The following RDH13 variants were observed in gnomAD, a reference collection of about 807,000 sequenced individuals.
RDH13 encodes retinol dehydrogenase 13, also known as retinol dehydrogenase 13 (all-trans and 9-cis).
In RDH13, 35 loss-of-function variants were observed where a neutral mutation model predicts 28.3. That is an observed-to-expected ratio of 1.24 (90% confidence interval 0.95 to 1.64). RDH13 has a LOEUF of 1.64. Ranked by LOEUF, RDH13 falls within the 40% of genes most tolerant of loss-of-function variation. RDH13 has a pLI of 0.00. For missense variants in RDH13, 514 were observed against 446.3 expected, an observed-to-expected ratio of 1.15 and a Z score of -1.37; for synonymous variants, 229 against 198.5, an observed-to-expected ratio of 1.15 and a Z score of -1.29.
In RDH13 at chr19:55,053,316, G is replaced by A. The variant is rs369513159; in HGVS notation, c.340+3337C>T. ...GTTGATCTTAGGAAAACACCAAGAA[G>A]CTGGTACTTGATTTGCTAAAAAAGT... On this transcript the variant is annotated intron_variant, in intron 3 of 6. Transcript: ENST00000415061. Among the ~76,000 whole-genome samples the A allele has an allele frequency of 7.9e-5, 12 of 151,522 alleles. No individual in the cohort carries two copies. In the East Asian group the frequency reaches 1.7e-3, roughly 22 times the overall value.
chr19:55,049,089 C>G (rs892057226), intron 3 of RDH13, among the ~76,000 whole-genome samples: 3 of 152,134 alleles, frequency 2.0e-5, no homozygotes, highest in Non-Finnish European at 4.4e-5. Context: ...GGATTATGGC[C>G]CGTCTCACAG....
intron 3 of RDH13, chr19:55,053,866 G>C (rs1028762537): frequency 1.3e-5 from 2 of 152,176 alleles, no homozygotes; most frequent in Non-Finnish European, 2.9e-5. Flanking sequence ...GGATTGCCTG[G>C]GACAGTGTGC....
upstream of RDH13, among the ~76,000 whole-genome samples, chr19:55,065,632 G>C (rs2075946735): frequency 6.6e-6 from 1 of 151,654 alleles, no homozygotes; most frequent in Non-Finnish European, 1.5e-5. Context: ...TGCCAGAGGA[G>C]CTGGGAAGCA....
intron 2 of RDH13, among the ~76,000 whole-genome samples, chr19:55,058,675 TTTTG>T (rs1415452506): frequency 6.6e-6 from 1 of 151,854 alleles, no homozygotes; most frequent in African/African-American, 2.4e-5. Flanking sequence ...ATGCCCTTTT[TTTTG>T]TTTTGCTTTG....
rs1568728184 is a variant in RDH13 at position 55,059,249 on chromosome 19, G to C, written c.92C>G (p.Pro31Arg). Residue 31 changes from proline (P) to arginine (R), a missense_variant, in exon 2 of 7, where the codon CCC becomes CGC. Pro to Arg is a moderately radical substitution (Grantham distance 103). Coordinates refer to ENST00000415061, the MANE Select transcript of RDH13 (RefSeq NM_001145971.2). ...CTTCCCAGGGATGGTGGCCTTGCTG[G>C]GGCAAGCCCCACCGGTGACATAGTC... Reference protein sequence around the residue: ...LKDYVTGGACPSKATIPGKTV... With the variant: ...LKDYVTGGACRSKATIPGKTV... 3.7e-6 allele frequency: 6 copies of C among 1,602,798 alleles called. No individual in the cohort carries two copies. The highest frequency in any genetic ancestry group is 5.1e-6 in the Non-Finnish European group (6 of 1,174,892).
intron 1 of RDH13, among the ~76,000 whole-genome samples, chr19:55,060,173 G>C (rs1391343001): frequency 7.2e-6 from 1 of 138,150 alleles, no homozygotes; most frequent in Admixed American, 7.5e-5. Context: ...TCTTGCAGTT[G>C]AGAGAGAGGA....
At chr19:55,065,866 C>T (rs1423206550), upstream of RDH13, among the ~76,000 whole-genome samples, 2 of 152,084 alleles carry the variant, frequency 1.3e-5, no homozygotes, top group Admixed American at 6.6e-5. Context: ...TACAGGCGCT[C>T]GCCGCCACAC....
chr19:55,065,008 A>G (rs1260277740), upstream of RDH13, among the ~76,000 whole-genome samples: 2 of 150,702 alleles, frequency 1.3e-5, no homozygotes, highest in Non-Finnish European at 2.9e-5. Context: ...CAATGTGAAT[A>G]TACTTAACAT....
chr19:55,060,189 A>C (rs62124160), intron 1 of RDH13, among the ~76,000 whole-genome samples: 2 of 138,556 alleles, frequency 1.4e-5, no homozygotes, highest in East Asian at 4.6e-4. Flanking sequence ...GAGGAAGGCC[A>C]CTGTCTCCTG....
At chr19:55,048,792 T>TC in intron 3 of RDH13, 29 bp from the exon 4 acceptor site, 1 of 1,583,316 alleles carries the variant, frequency 6.3e-7, no homozygotes, top group Non-Finnish European at 8.7e-7. Context: ...GGAGGAGACA[T>TC]CCCGGTGAGG....
chr19:55,049,527 C>G (rs886295940), intron 3 of RDH13, among the ~76,000 whole-genome samples: 1 of 152,274 alleles, frequency 6.6e-6, no homozygotes, highest in African/African-American at 2.4e-5. Flanking sequence ...CAGTGGCTCA[C>G]GCCTGTAATC....
chr19:55,063,253 C>T, upstream of RDH13: 1 of 404,298 alleles, frequency 2.5e-6, no homozygotes, highest in Non-Finnish European at 4.3e-6. Flanking sequence ...GTCCTGAGCG[C>T]TGTCACAGCT....
chr19:55,056,947 A>C (rs2075657718), intron 2 of RDH13, 139 bp from the exon 3 acceptor site: 4 of 719,790 alleles, frequency 5.6e-6, no homozygotes. Context: ...GCCAAAAGGT[A>C]GAAACAACCA....
At chr19:55,056,868 A>G (rs73615874) in intron 2 of RDH13, 60 bp from the exon 3 acceptor site, 91,442 of 1,422,626 alleles carry the variant, frequency 0.064, 3,594 homozygotes, top group African/African-American at 0.13. Flanking sequence ...TACTGACCCC[A>G]GAGACATGAA....
downstream of RDH13, chr19:55,043,339 G>C (rs1228223896): frequency 6.6e-6 from 1 of 152,280 alleles, no homozygotes; most frequent in Non-Finnish European, 1.5e-5. Flanking sequence ...GTAGTGAGCT[G>C]TGACGGCACT....
exon 3 of RDH13, chr19:55,039,215 A>G (rs548634194): frequency 6.6e-6 from 1 of 152,376 alleles, no homozygotes; most frequent in South Asian, 2.1e-4. Context: ...CACACAAGGT[A>G]ATATCAACCA....
chr19:55,065,732 T>C (rs1003574629), upstream of RDH13, among the ~76,000 whole-genome samples: 3 of 151,700 alleles, frequency 2.0e-5, no homozygotes, highest in Non-Finnish European at 4.4e-5. Context: ...GTTCGCCAGC[T>C]CCTGTTTGAG....
chr19:55,063,288 T>C, upstream of RDH13: 1 of 387,348 alleles, frequency 2.6e-6, no homozygotes, highest in Non-Finnish European at 4.6e-6. Context: ...CAGGAGCCTG[T>C]GGGCGTGGCT....
intron 3 of RDH13, among the ~76,000 whole-genome samples, chr19:55,049,860 C>T (rs1204731745): frequency 6.6e-6 from 1 of 151,684 alleles, no homozygotes; most frequent in African/African-American, 2.4e-5. Flanking sequence ...GGGCTGGTTC[C>T]CTCTCAGGGC....
Sources: gnomAD v4.1 joint callset for allele counts (sites outside exome capture counted in the v4.1 genomes callset) on GRCh38, gnomAD v4.1.1 for gene constraint, MANE v1.5 for transcripts, NCBI Gene and HGNC (gene_info 2026-07-23, HGNC 2026-07-21) for gene names.